QDPR: variants seen among roughly 807,000 people sequenced by gnomAD.
The protein encoded by QDPR is dihydropteridine reductase.
QDPR carries 23 observed loss-of-function variants against 31.7 expected under a neutral mutation model. That is an observed-to-expected ratio of 0.73 (90% CI 0.52 to 1.03). The LOEUF is 1.03. Among genes scored for constraint, QDPR ranks in the 50% least tolerant of loss-of-function variants. The pLI is 0.00. For missense variants in QDPR, 324 were observed against 323.8 expected (o/e 1.00, Z 0.00); for synonymous variants, 124 against 124.7 (o/e 0.99, Z 0.03).
intron 1 of QDPR, among the ~76,000 whole-genome samples, chr4:17,509,750 G>T (rs143280970): frequency 1.3e-5 from 2 of 152,168 alleles, no homozygotes; most frequent in East Asian, 3.9e-4. Flanking sequence ...GAAAAATAAA[G>T]GAGCAGAGTG....
intron 2 of QDPR, among the ~76,000 whole-genome samples, chr4:17,505,443 C>T (rs1006967852): frequency 6.6e-6 from 1 of 152,084 alleles, no homozygotes; most frequent in African/African-American, 2.4e-5. Flanking sequence ...GATGGGGTTT[C>T]GCCATGTTGG....
intron 4 of QDPR, among the ~76,000 whole-genome samples, chr4:17,493,243 AG>A (rs1458211372): frequency 1.3e-5 from 2 of 152,098 alleles, no homozygotes. Context: ...AAGAGTTCCA[AG>A]ACCATCCTGG....
chr4:17,509,282 G>T lies in QDPR; in HGVS notation c.187C>A (p.Gln63Lys). The T allele has an allele frequency of 6.2e-7, 1 of 1,613,922 alleles. No individual in the cohort carries two copies. Among genetic ancestry groups the T allele is most frequent in the Non-Finnish European group, 8.5e-7 (1 of 1,179,830 alleles). The change falls in exon 2 of 7, where the codon CAG becomes AAG. Residue 63 changes from glutamine (Q) to lysine (K), a missense_variant. Coordinates refer to ENST00000281243, the MANE Select transcript of QDPR (RefSeq NM_000320.3). ...IVKMTDSFTE[Q>K]ADQVTAEVGK... is the part of the protein sequence containing the mutation. Reference sequence around the variant, plus strand: ...CTTTTTGAAACTACCTGGTCAGCCTGCTCAGTGAACGAGTCTGTCATTTTA... The same window carrying T: ...CTTTTTGAAACTACCTGGTCAGCCTTCTCAGTGAACGAGTCTGTCATTTTA...
intron 2 of QDPR, 111 bp from the exon 3 acceptor site, chr4:17,504,586 A>T: frequency 1.2e-6 from 1 of 858,126 alleles, no homozygotes; most frequent in South Asian, 1.4e-5. Flanking sequence ...AGTTTACAGT[A>T]CCTGGCAATT....
intron 2 of QDPR, among the ~76,000 whole-genome samples, chr4:17,507,779 T>G (rs1421029296): frequency 6.6e-6 from 1 of 152,048 alleles, no homozygotes; most frequent in Non-Finnish European, 1.5e-5. Context: ...AATTTTTGTA[T>G]TTTTAGTAGA....
In QDPR at chr4:17,509,255, G is replaced by A. The variant is rs773400170; in HGVS notation, c.198+16C>T. 1 of 1,604,126 alleles carries A rather than the reference G, an allele frequency of 6.2e-7. No homozygotes were observed. Among genetic ancestry groups the A allele is most frequent in the South Asian group, 1.1e-5 (1 of 90,868 alleles). On this transcript the variant is annotated intron_variant, in intron 2 of 6. Transcript: ENST00000281243. ...AGGGTTCCCCTCACAATGTTTGGGG[G>A]CCTTTTTGAAACTACCTGGTCAGCC... is the stretch of plus-strand genomic sequence containing the variant.
intron 4 of QDPR, among the ~76,000 whole-genome samples, chr4:17,498,025 T>C (rs535846863): frequency 1.3e-5 from 2 of 152,196 alleles, no homozygotes; most frequent in African/African-American, 4.8e-5. Flanking sequence ...GTTCCCCCAC[T>C]GTGCCCAACT....
chr4:17,492,104 T>A lies in QDPR; in HGVS notation c.545+128A>T, dbSNP rs986702603. The A allele has an allele frequency of 2.2e-5, 15 of 680,266 alleles. No homozygotes were observed. In the African/African-American group the frequency reaches 2.7e-4, roughly 12 times the overall value. The allele number at this position is 680,266 out of a possible 1,614,324, so 42.1% of individuals were successfully genotyped here. A position where few individuals can be genotyped will look rare whatever the true frequency, so the allele number is the denominator to read the frequency against. On this transcript the variant is annotated intron_variant, in intron 5 of 6. Transcript: ENST00000281243. Reference sequence around the variant, plus strand: ...TAAGATAATAAGTATCTTAAGAGACTTTGGTGTGTTTCAGAACCAGAGGTG... The same window carrying A: ...TAAGATAATAAGTATCTTAAGAGACATTGGTGTGTTTCAGAACCAGAGGTG...
At chr4:17,510,535 G>C (rs990393902) in intron 1 of QDPR, among the ~76,000 whole-genome samples, 4 of 152,176 alleles carry the variant, frequency 2.6e-5, no homozygotes, top group Non-Finnish European at 4.4e-5. Context: ...GGGGGATACT[G>C]AAACAATGAA....
At chr4:17,503,156 C>CATTCAGAA (rs1213400415) in intron 3 of QDPR, among the ~76,000 whole-genome samples, 1 of 152,154 alleles carries the variant, frequency 6.6e-6, no homozygotes, top group Non-Finnish European at 1.5e-5. Flanking sequence ...AAAGTTCAGA[C>CATTCAGAA]AAGTTCAGAA....
intron 4 of QDPR, among the ~76,000 whole-genome samples, chr4:17,495,942 T>G (rs1430826840): frequency 6.6e-6 from 1 of 151,312 alleles, no homozygotes; most frequent in African/African-American, 2.4e-5. Context: ...CCCCGGGAGG[T>G]CGAGGCTGCA....
chr4:17,490,708 G>C lies in QDPR; in HGVS notation c.583C>G (p.Pro195Ala), dbSNP rs1377720772. The change falls in exon 6 of 7, where the codon CCT becomes GCT. Residue 195 changes from proline to alanine, a missense_variant. Physicochemically the swap from Pro to Ala is conservative, Grantham distance 27 (BLOSUM62 -1). Transcript: ENST00000281243. The stretch of plus-strand genomic sequence containing the variant: ...GTCCAGGAGCTGAAGTCAGCCTCAG[G>C]CATTGATTTCCTGTTCATCGGGGTA... ...LDTPMNRKSM[P>A]EADFSSWTPL... The C allele has an allele frequency of 6.2e-7, 1 of 1,614,000 alleles. No homozygotes were observed. The highest frequency in any genetic ancestry group is 1.7e-5 in the Admixed American group (1 of 60,008).
At chr4:17,495,218 T>C (rs1445207827) in intron 4 of QDPR, among the ~76,000 whole-genome samples, 4 of 152,258 alleles carry the variant, frequency 2.6e-5, no homozygotes, top group African/African-American at 9.6e-5. Context: ...ACTCTGGCCT[T>C]AACACCATCA....
chr4:17,496,442 C>CAAAAAAAAGAAAAAAAAAAAAA (rs1718357109), intron 4 of QDPR, among the ~76,000 whole-genome samples: 1 of 64,610 alleles, frequency 1.5e-5, no homozygotes, highest in Non-Finnish European at 2.8e-5. Flanking sequence ...AAAACTGTCT[C>CAAAAAAAAGAAAAAAAAAAAAA]AAAAAAAAAA....
intron 4 of QDPR, among the ~76,000 whole-genome samples, chr4:17,493,910 A>G (rs1404474685): frequency 1.3e-5 from 2 of 152,184 alleles, no homozygotes; most frequent in Non-Finnish European, 2.9e-5. Flanking sequence ...GTATAAACTC[A>G]GGTGTGATCC....
At chr4:17,488,277 G>A (rs973653545) in intron 6 of QDPR, among the ~76,000 whole-genome samples, 14 of 151,768 alleles carry the variant, frequency 9.2e-5, no homozygotes, top group African/African-American at 2.2e-4. Context: ...AAAAAAAATT[G>A]TTTTTAAAGA....
chr4:17,493,658 G>C (rs985948726), intron 4 of QDPR, among the ~76,000 whole-genome samples: 1 of 152,088 alleles, frequency 6.6e-6, no homozygotes, highest in Admixed American at 6.5e-5. Context: ...TAGGAGAGGG[G>C]GTGGGCATGG....
Position 17,486,944 on chromosome 4 carries a change from T to C in QDPR, c.*187A>G, listed in dbSNP as rs1717979575. Reference sequence around the variant, plus strand: ...CTATTTGCAGGCCACCAGTCTCGCATGTCTTTACTTCACATAAATGTATTA... The same window carrying C: ...CTATTTGCAGGCCACCAGTCTCGCACGTCTTTACTTCACATAAATGTATTA... On this transcript the variant is annotated 3_prime_UTR_variant, in exon 7 of 7. Coordinates refer to ENST00000281243, the MANE Select transcript of QDPR (RefSeq NM_000320.3). The C allele has an allele frequency of 3.2e-6, 2 of 624,674 alleles. No individual in the cohort carries two copies. The highest frequency in any genetic ancestry group is 1.8e-5 in the African/African-American group (1 of 54,560). 38.7% of individuals were successfully genotyped at this position (624,674 alleles called of 1,614,324 possible).
chr4:17,503,953 A>C, intron 3 of QDPR, among the ~76,000 whole-genome samples: 1 of 152,090 alleles, frequency 6.6e-6, no homozygotes, highest in Admixed American at 6.5e-5. Context: ...CTGTCTTAAG[A>C]AAAAGGGTAG....
Sources: allele counts gnomAD v4.1 joint callset (sites outside exome capture counted in the v4.1 genomes callset), GRCh38; gene constraint gnomAD v4.1.1; transcripts MANE v1.5; gene names NCBI Gene and HGNC (gene_info 2026-07-23, HGNC 2026-07-21).